Variants in ZDHHC14 observed in about 807,000 individuals in gnomAD.
ZDHHC14 encodes zDHHC palmitoyltransferase 14, also known as palmitoyltransferase ZDHHC14.
A neutral mutation model predicts 47.7 loss-of-function variants in ZDHHC14; 16 were observed. That is an observed-to-expected ratio of 0.34 (90% CI 0.23 to 0.51). ZDHHC14 has a LOEUF of 0.51. ZDHHC14 is among the 20% of genes least tolerant of loss of function. The pLI, the probability that ZDHHC14 is intolerant of heterozygous loss-of-function variation, is 0.97. For missense variants in ZDHHC14, 515 were observed against 662.5 expected, an observed-to-expected ratio of 0.78 and a Z score of 2.44; for synonymous variants, 293 against 278.9, an observed-to-expected ratio of 1.05 and a Z score of -0.50.
intron 2 of ZDHHC14, among the ~76,000 whole-genome samples, chr6:157,585,427 A>C (rs1197117150): frequency 1.3e-5 from 2 of 151,882 alleles, no homozygotes; most frequent in African/African-American, 4.8e-5. Flanking sequence ...AAAAAAAAAA[A>C]AAACCCAAAA....
At chr6:157,539,385 C>G (rs1462636805) in intron 1 of ZDHHC14, among the ~76,000 whole-genome samples, 1 of 151,996 alleles carries the variant, frequency 6.6e-6, no homozygotes, top group Admixed American at 6.6e-5. Flanking sequence ...GCCTGGGCAG[C>G]AGAGTGAGGC....
At chr6:157,618,957 C>G (rs1271538584) in intron 3 of ZDHHC14, among the ~76,000 whole-genome samples, 1 of 152,106 alleles carries the variant, frequency 6.6e-6, no homozygotes, top group Non-Finnish European at 1.5e-5. Flanking sequence ...CTTCCTCACT[C>G]GCTCAAGGCC....
chr6:157,574,935 G>A (rs193168562), intron 2 of ZDHHC14, among the ~76,000 whole-genome samples: 20 of 152,296 alleles, frequency 1.3e-4, no homozygotes, highest in African/African-American at 4.3e-4. Flanking sequence ...GTGCTCTCTA[G>A]AGAAATACCT....
intron 1 of ZDHHC14, among the ~76,000 whole-genome samples, chr6:157,410,108 G>A (rs1213580226): frequency 6.6e-6 from 1 of 152,190 alleles, no homozygotes; most frequent in Non-Finnish European, 1.5e-5. Context: ...AGGCATTCCA[G>A]TACCTGTTGG....
chr6:157,634,625 T>G (rs1248302380), intron 5 of ZDHHC14, among the ~76,000 whole-genome samples: 1 of 152,244 alleles, frequency 6.6e-6, no homozygotes, highest in South Asian at 2.1e-4. Flanking sequence ...GTTTTAAAAA[T>G]GTGCCTCAGA....
At chr6:157,593,337 C>T (rs184874312) in intron 3 of ZDHHC14, among the ~76,000 whole-genome samples, 191 bp downstream of exon 3, 27 of 152,236 alleles carry the variant, frequency 1.8e-4, no homozygotes, top group African/African-American at 6.0e-4. Flanking sequence ...CCTGCACCGC[C>T]CTTGGCTGCG....
intron 1 of ZDHHC14, among the ~76,000 whole-genome samples, chr6:157,405,471 A>G (rs1268828472): frequency 1.3e-5 from 2 of 152,086 alleles, no homozygotes; most frequent in East Asian, 3.9e-4. Context: ...TGACCTCGTG[A>G]TCCACCCGCC....
intron 1 of ZDHHC14, among the ~76,000 whole-genome samples, chr6:157,504,053 C>T (rs1464557983): frequency 1.3e-5 from 2 of 151,854 alleles, no homozygotes; most frequent in Non-Finnish European, 2.9e-5. Context: ...TTCACAATAG[C>T]AAAAAACTGG....
intron 2 of ZDHHC14, among the ~76,000 whole-genome samples, chr6:157,579,271 C>G (rs913275085): frequency 1.4e-5 from 2 of 141,524 alleles, no homozygotes; most frequent in African/African-American, 5.3e-5. Flanking sequence ...GATCTCGGCT[C>G]ACTGCAAGCT....
chr6:157,533,791 C>T (rs1481041043), intron 1 of ZDHHC14, among the ~76,000 whole-genome samples: 2 of 152,250 alleles, frequency 1.3e-5, no homozygotes, highest in Admixed American at 1.3e-4. Flanking sequence ...AGCCCTCAAG[C>T]AGACACCTCT....
chr6:157,672,936 G>A lies in ZDHHC14; in HGVS notation c.1281G>A (p.Met427Ile), dbSNP rs759223898. 6 of 1,601,916 alleles carry A rather than the reference G, an allele frequency of 3.7e-6. No individual in the cohort carries two copies. The East Asian group carries it at 9.0e-5, about 24-fold the overall frequency. The change falls in exon 9 of 9, where the codon ATG becomes ATA. Residue 427 changes from methionine (M) to isoleucine (I), a missense_variant. Met to Ile is a conservative substitution (Grantham distance 10, BLOSUM62 1). This residue lies in a region of ZDHHC14 where 221 missense variants were observed against 233.6 expected (regional missense o/e 0.95). Coordinates refer to ENST00000359775, the MANE Select transcript of ZDHHC14 (RefSeq NM_024630.3). The part of the protein sequence containing the change: ...NLAEATLADV[M>I]PRKDEHMGHQ... ...CCGAGGCCACGCTCGCGGACGTGAT[G>A]CCCCGGAAAGATGAGCACATGGGCC... is the stretch of plus-strand genomic sequence containing the variant.
intron 8 of ZDHHC14, among the ~76,000 whole-genome samples, chr6:157,663,644 C>T (rs1405960621): frequency 6.6e-6 from 1 of 152,170 alleles, no homozygotes; most frequent in Non-Finnish European, 1.5e-5. Context: ...TCTTTATGGG[C>T]TTCTGTGGTT....
At chr6:157,583,512 T>C (rs1246416536) in intron 2 of ZDHHC14, among the ~76,000 whole-genome samples, 1 of 152,104 alleles carries the variant, frequency 6.6e-6, no homozygotes, top group African/African-American at 2.4e-5. Flanking sequence ...TTGGTTCGTT[T>C]GTTTTGTTGT....
chr6:157,437,381 A>G (rs1778462228), intron 1 of ZDHHC14, among the ~76,000 whole-genome samples: 1 of 152,222 alleles, frequency 6.6e-6, no homozygotes, highest in African/African-American at 2.4e-5. Flanking sequence ...CGTGAAGATG[A>G]ATGGCGGTGC....
In ZDHHC14 at chr6:157,479,006, AC is replaced by A. The variant is rs745524238; in HGVS notation, c.246-63578del. 2.6e-5 allele frequency among the ~76,000 whole-genome samples: 4 copies of A among 152,222 alleles called. No homozygotes were observed. The East Asian group carries it at 7.7e-4, about 29-fold the overall frequency. On this transcript the variant is annotated intron_variant, in intron 1 of 8. Transcript: ENST00000359775. ...ACACCCAGGAAAGGTCCGCGGGGAG[AC>A]ATAATGTCAGCCAACTGTGTTGGGC...
chr6:157,384,941 A>T (rs1485037267), intron 1 of ZDHHC14, among the ~76,000 whole-genome samples: 1 of 152,082 alleles, frequency 6.6e-6, no homozygotes, highest in Non-Finnish European at 1.5e-5. Context: ...TAGCTTTTTT[A>T]AAAATTTATT....
chr6:157,412,872 T>C (rs1777899084), intron 1 of ZDHHC14, among the ~76,000 whole-genome samples: 1 of 152,120 alleles, frequency 6.6e-6, no homozygotes, highest in Non-Finnish European at 1.5e-5. Context: ...GGAAATCAGG[T>C]CCATGAGAAA....
intron 1 of ZDHHC14, among the ~76,000 whole-genome samples, chr6:157,446,732 T>G (rs1277973072): frequency 6.6e-6 from 1 of 152,186 alleles, no homozygotes; most frequent in Non-Finnish European, 1.5e-5. Flanking sequence ...TACAAATTCC[T>G]TGACATATTG....
Position 157,592,985 on chromosome 6 carries a change from C to A in ZDHHC14, c.407-3C>A. 3 of 1,609,636 alleles carry A rather than the reference C, an allele frequency of 1.9e-6. No homozygotes were observed. The highest frequency in any genetic ancestry group is 2.5e-6 in the Non-Finnish European group (3 of 1,178,372). On this transcript the variant is annotated splice_region_variant and splice_polypyrimidine_tract_variant and intron_variant, in intron 2 of 8. Coordinates refer to ENST00000359775, the MANE Select transcript of ZDHHC14 (RefSeq NM_024630.3). ...TGCGCTCTTTCTCTTCTTTTCTCCA[C>A]AGATATCGCAAACGGCACCAGTTCA...
Sources: allele counts gnomAD v4.1 joint callset (sites outside exome capture counted in the v4.1 genomes callset), GRCh38; gene constraint gnomAD v4.1.1; regional missense constraint gnomAD v4.1.1; transcripts MANE v1.5; gene names NCBI Gene and HGNC (gene_info 2026-07-23, HGNC 2026-07-21).